The following FANCD2 variants were observed in gnomAD, a reference collection of about 807,000 sequenced individuals.
The protein encoded by FANCD2 is Fanconi anemia group D2 protein.
A neutral mutation model predicts 192.3 loss-of-function variants in FANCD2; 131 were observed. The ratio of observed to expected loss-of-function variants is 0.68; its 90% confidence interval spans 0.59 to 0.79. The LOEUF is 0.79. Ranked by LOEUF, FANCD2 falls within the 30% of genes least tolerant of loss-of-function variation. The probability of loss-of-function intolerance (pLI) is 0.00; values close to 1 mark genes in which losing one functional copy is unlikely to be tolerated. For missense variants in FANCD2, 1,508 were observed against 1,701.6 expected (o/e 0.89, Z 2.00); for synonymous variants, 524 against 612.5 (o/e 0.86, Z 2.13).
At chr3:10,055,653 A>T (rs1043529145) in intron 18 of FANCD2, among the ~76,000 whole-genome samples, 21 of 151,968 alleles carry the variant, frequency 1.4e-4, no homozygotes, top group Non-Finnish European at 8.8e-5. Context: ...TTTACTAAAA[A>T]TACAAAAAAT....
intron 26 of FANCD2, among the ~76,000 whole-genome samples, chr3:10,069,430 A>G (rs1210947338): frequency 1.3e-5 from 2 of 151,080 alleles, no homozygotes; most frequent in Non-Finnish European, 2.9e-5. Context: ...CAAAACTGCC[A>G]TGTGATGTCA....
intron 30 of FANCD2, among the ~76,000 whole-genome samples, chr3:10,080,457 T>C (rs1350882477): frequency 6.6e-6 from 1 of 152,248 alleles, no homozygotes; most frequent in East Asian, 1.9e-4. Flanking sequence ...TCTACATTTT[T>C]TTGTTTGTTT....
At chr3:10,054,407 ATACGTATATACATATATACATG>A in intron 18 of FANCD2, among the ~76,000 whole-genome samples, 1 of 98,104 alleles carries the variant, frequency 1.0e-5, no homozygotes, top group Non-Finnish European at 1.8e-5. Context: ...GTATATGTAT[ATACGTATATACATATATACATG>A]TATATACATG....
At chr3:10,058,882 G>A (rs1350251631) in intron 18 of FANCD2, among the ~76,000 whole-genome samples, 3 of 152,162 alleles carry the variant, frequency 2.0e-5, no homozygotes, top group African/African-American at 7.2e-5. Flanking sequence ...AAAACATGTT[G>A]TGGGACTTTG....
At chr3:10,038,525 TTTATAAA>T (rs2086785407) in intron 7 of FANCD2, among the ~76,000 whole-genome samples, 1 of 152,034 alleles carries the variant, frequency 6.6e-6, no homozygotes, top group African/African-American at 2.4e-5. Flanking sequence ...TTTTAGTACT[TTTATAAA>T]TATAATCTAA....
intron 16 of FANCD2, among the ~76,000 whole-genome samples, chr3:10,048,406 C>T (rs530577368): frequency 3.9e-5 from 6 of 152,196 alleles, no homozygotes; most frequent in African/African-American, 9.7e-5. Context: ...TGGGTTCAAG[C>T]GATTCTCCTG....
In FANCD2 at chr3:10,072,953, A is replaced by G. The variant is rs772038476; in HGVS notation, c.2577A>G (p.Ser859=). The change falls in exon 27 of 44, where the codon TCA becomes TCG. Residue 859 remains serine, a synonymous_variant. Coordinates refer to ENST00000675286, the MANE Select transcript of FANCD2 (RefSeq NM_001018115.3). ...CACCTCATACTGTTACTGCTATTTC[A>G]GCAAAAATCAGAAAGAAAGGAAAAA... The part of the protein sequence containing the change: ...DITPHTVTAI[S]AKIRKKGKIE... 19 of 1,602,384 alleles carry G rather than the reference A, an allele frequency of 1.2e-5. No individual in the cohort carries two copies. The highest frequency in any genetic ancestry group is 1.5e-5 in the Non-Finnish European group (17 of 1,169,342).
intron 19 of FANCD2, among the ~76,000 whole-genome samples, chr3:10,061,594 A>G (rs1575786238): frequency 1.3e-5 from 2 of 152,192 alleles, no homozygotes; most frequent in South Asian, 2.1e-4. Flanking sequence ...TGAGAACATT[A>G]AAGGGTTAGA....
At chr3:10,047,407 A>G (rs1268835322) in intron 15 of FANCD2, among the ~76,000 whole-genome samples, 1 of 152,306 alleles carries the variant, frequency 6.6e-6, no homozygotes. Flanking sequence ...TATGGTATCA[A>G]TAAGGAAGCT....
At chr3:10,084,297 T>C (rs1304663994) in intron 32 of FANCD2, among the ~76,000 whole-genome samples, 2 of 150,866 alleles carry the variant, frequency 1.3e-5, no homozygotes, top group Non-Finnish European at 3.0e-5. Flanking sequence ...TGGCTTTTTT[T>C]TTTTTCTTCC....
At chr3:10,044,712 A>G (rs1575752052) in intron 14 of FANCD2, among the ~76,000 whole-genome samples, 2 of 152,324 alleles carry the variant, frequency 1.3e-5, no homozygotes, top group Middle Eastern at 6.8e-3. Flanking sequence ...TGGGATGATT[A>G]TCTTAAAAGC....
intron 30 of FANCD2, 68 bp from the exon 31 acceptor site, chr3:10,081,032 T>C (rs1693804553): frequency 3.8e-6 from 6 of 1,594,082 alleles, no homozygotes; most frequent in African/African-American, 1.3e-5. Flanking sequence ...CTTGACTCCA[T>C]TGCGAACCCT....
chr3:10,044,362 C>A, intron 14 of FANCD2, among the ~76,000 whole-genome samples: 1 of 151,624 alleles, frequency 6.6e-6, no homozygotes, highest in Non-Finnish European at 1.5e-5. Flanking sequence ...CTAGAAATAC[C>A]TTCCATCAAA....
chr3:10,092,427 A>C (rs1575856736), intron 38 of FANCD2, among the ~76,000 whole-genome samples, 175 bp downstream of exon 38: 1 of 132,034 alleles, frequency 7.6e-6, no homozygotes, highest in African/African-American at 3.7e-5. Flanking sequence ...TTTTCTCACT[A>C]GGCATTTTTT....
At chr3:10,051,400 AAAAAAAACAAAAAG>A (rs1186649115) in intron 17 of FANCD2, among the ~76,000 whole-genome samples, 1,337 of 12,510 alleles carry the variant, frequency 0.11, 121 homozygotes, top group African/African-American at 0.17. Flanking sequence ...AAAAAAAAAA[AAAAAAAACAAAAAG>A]GAGTGAGGGA....
intron 17 of FANCD2, among the ~76,000 whole-genome samples, chr3:10,051,439 T>C (rs2087213548): frequency 1.0e-4 from 2 of 19,758 alleles, no homozygotes; most frequent in African/African-American, 4.2e-4. Flanking sequence ...TCTCCCAGTG[T>C]TGGACACTGA....
intron 23 of FANCD2, among the ~76,000 whole-genome samples, 174 bp from the exon 24 acceptor site, chr3:10,065,220 C>T (rs1307214622): frequency 2.0e-5 from 3 of 152,100 alleles, no homozygotes; most frequent in Non-Finnish European, 4.4e-5. Flanking sequence ...ACCTGGGAGG[C>T]AGAGGTTGCA....
Position 10,028,642 on chromosome 3 carries a change from C to A in FANCD2, c.-16C>A. On this transcript the variant is annotated 5_prime_UTR_variant, in exon 2 of 44. Transcript: ENST00000675286. ...TGCTCTAGGAAGTAATTTAAGTGCACAAGACATTGGTCAAAATGGTTTCCA... is the reference window on the plus strand; with the variant it reads ...TGCTCTAGGAAGTAATTTAAGTGCAAAAGACATTGGTCAAAATGGTTTCCA... The A allele has an allele frequency of 1.9e-6, 3 of 1,612,768 alleles. No individual in the cohort carries two copies. The highest frequency in any genetic ancestry group is 2.5e-6 in the Non-Finnish European group (3 of 1,178,844).
At position 10,046,585 on chromosome 3, in the gene FANCD2, T is replaced by G. The variant is rs770442271; in HGVS notation, c.1140T>G (p.Phe380Leu). ...NTASVSEHKV[F>L]DLVMLFIIYS... ...TGCATATTTATTGACAATAGGTGTT[T>G]GACCTGGTGATGCTTTTCATCATCT... is the stretch of plus-strand genomic sequence containing the variant. The change falls in exon 15 of 44, where the codon TTT (phenylalanine) becomes TTG (leucine). Residue 380 changes from phenylalanine (F) to leucine (L), a missense_variant. Phe to Leu is a conservative substitution (Grantham distance 22). This residue lies in a region of FANCD2 where 108 missense variants were observed against 174.1 expected (regional missense o/e 0.62). Transcript: ENST00000675286. 16 of 1,614,098 alleles carry G rather than the reference T, an allele frequency of 9.9e-6. No homozygotes were observed. The South Asian group carries it at 1.5e-4, about 16-fold the overall frequency.
Sources: allele counts gnomAD v4.1 joint callset (sites outside exome capture counted in the v4.1 genomes callset), GRCh38; gene constraint gnomAD v4.1.1; regional missense constraint gnomAD v4.1.1; transcripts MANE v1.5; gene names NCBI Gene and HGNC (gene_info 2026-07-23, HGNC 2026-07-21).